The following USP34 variants were observed in gnomAD, a reference collection of about 807,000 sequenced individuals.
USP34 encodes the protein ubiquitin specific peptidase 34.
A neutral mutation model predicts 460.3 loss-of-function variants in USP34; 70 were observed. The observed-to-expected ratio is 0.15, with a 90% confidence interval of 0.13 to 0.19. The LOEUF is 0.19. Ranked by LOEUF, USP34 falls within the 10% of genes least tolerant of loss-of-function variation. USP34 has a pLI of 1.00. For synonymous variants in USP34, 1,647 were observed against 1,405.3 expected (o/e 1.17, Z -3.85); for missense variants, 3,985 against 4,236.2 (o/e 0.94, Z 1.65).
chr2:61,259,672 C>T, intron 44 of USP34, 39 bp downstream of exon 44: 1 of 1,591,724 alleles, frequency 6.3e-7, no homozygotes, highest in Non-Finnish European at 8.6e-7. Context: ...AGGCATGAGC[C>T]ACAGTGCCTG....
intron 41 of USP34, among the ~76,000 whole-genome samples, chr2:61,267,542 G>C (rs576568981): frequency 6.6e-6 from 1 of 151,170 alleles, no homozygotes; most frequent in African/African-American, 2.4e-5. Context: ...GCCCAGGTTC[G>C]AGCGATTCTC....
rs574537958 is a variant in USP34, at chr2:61,441,356, G to A, written c.44-20523C>T. Among the ~76,000 whole-genome samples the A allele has an allele frequency of 1.5e-4, 23 of 152,092 alleles. No individual in the cohort carries two copies. The South Asian group carries it at 4.8e-3, about 32-fold the overall frequency. On this transcript the variant is annotated intron_variant, in intron 1 of 79. Transcript: ENST00000398571. ...GCAGGTTAAACCTCTTATACTTTCT[G>A]CGCCCCACCTCCCAGCCCCTGTAAT...
At chr2:61,294,390 C>T (rs1356624569) in intron 32 of USP34, among the ~76,000 whole-genome samples, 2 of 151,954 alleles carry the variant, frequency 1.3e-5, no homozygotes, top group Non-Finnish European at 2.9e-5. Context: ...AGCCTATAAA[C>T]ATCTTTCTAT....
intron 53 of USP34, among the ~76,000 whole-genome samples, chr2:61,237,600 C>G (rs1688107087): frequency 8.6e-6 from 1 of 115,808 alleles, no homozygotes; most frequent in African/African-American, 3.3e-5. Flanking sequence ...CAGGGTCTCA[C>G]TCTGTTACCT....
chr2:61,372,457 T>A (rs1192507080), intron 8 of USP34, among the ~76,000 whole-genome samples: 1 of 152,164 alleles, frequency 6.6e-6, no homozygotes, highest in African/African-American at 2.4e-5. Context: ...AGGCTGGTGC[T>A]GTGGTTCACA....
intron 43 of USP34, among the ~76,000 whole-genome samples, chr2:61,262,001 G>A (rs1375339762): frequency 6.8e-6 from 1 of 146,648 alleles, no homozygotes; most frequent in Non-Finnish European, 1.5e-5. Flanking sequence ...TGAGGCAGGA[G>A]AACTGCCGGA....
chr2:61,412,776 C>G (rs1486358803), intron 2 of USP34, among the ~76,000 whole-genome samples: 1 of 150,776 alleles, frequency 6.6e-6, no homozygotes, highest in East Asian at 2.0e-4. Flanking sequence ...GTGGTCCCAG[C>G]TACTTGGGAG....
intron 1 of USP34, among the ~76,000 whole-genome samples, chr2:61,458,703 G>C (rs554518392): frequency 4.2e-3 from 375 of 88,698 alleles, no homozygotes; most frequent in Admixed American, 6.5e-3. Flanking sequence ...CACAAGTCAA[G>C]GTAGGCCATA....
At chr2:61,230,901 T>C (rs1687876303) in intron 58 of USP34, among the ~76,000 whole-genome samples, 2 of 148,504 alleles carry the variant, frequency 1.3e-5, no homozygotes, top group Non-Finnish European at 3.0e-5. Context: ...TCTAAAAACA[T>C]ACACAAAGAA....
At chr2:61,390,705 A>G (rs1693318038) in intron 5 of USP34, among the ~76,000 whole-genome samples, 1 of 152,158 alleles carries the variant, frequency 6.6e-6, no homozygotes, top group South Asian at 2.1e-4. Flanking sequence ...TTAATCTGAT[A>G]AGGTAAGAAT....
intron 29 of USP34, among the ~76,000 whole-genome samples, chr2:61,298,064 T>A (rs1192697098): frequency 5.9e-5 from 9 of 152,078 alleles, no homozygotes; most frequent in Admixed American, 2.6e-4. Flanking sequence ...AGGAAAAATA[T>A]CTTCAAAGTG....
chr2:61,275,616 CCT>C (rs1491519110), intron 41 of USP34, among the ~76,000 whole-genome samples: 31 of 128,256 alleles, frequency 2.4e-4, no homozygotes, highest in South Asian at 7.6e-4. Flanking sequence ...AGACCCTGTC[CCT>C]TTTTTTTTTT....
At chr2:61,230,216 A>T (rs1022485405) in intron 58 of USP34, among the ~76,000 whole-genome samples, 1 of 152,176 alleles carries the variant, frequency 6.6e-6, no homozygotes, top group Non-Finnish European at 1.5e-5. Context: ...AGAATGTCAA[A>T]CACTGCAGTC....
At chr2:61,250,895 T>G (rs973415009) in intron 48 of USP34, among the ~76,000 whole-genome samples, 1 of 152,172 alleles carries the variant, frequency 6.6e-6, no homozygotes. Flanking sequence ...TCCCAGCACT[T>G]TGGGAGGCTG....
At chr2:61,217,448 A>T (rs1433505760) in intron 67 of USP34, among the ~76,000 whole-genome samples, 1 of 152,240 alleles carries the variant, frequency 6.6e-6, no homozygotes, top group East Asian at 1.9e-4. Flanking sequence ...ATTCTAAGTT[A>T]TACTAATTCT....
chr2:61,242,502 C>T (rs1442932443), intron 51 of USP34, among the ~76,000 whole-genome samples: 4 of 142,768 alleles, frequency 2.8e-5, no homozygotes, highest in African/African-American at 5.2e-5. Context: ...CACACACACA[C>T]GATGCAAAGG....
intron 1 of USP34, among the ~76,000 whole-genome samples, chr2:61,426,493 G>A (rs760058023): frequency 6.6e-6 from 1 of 152,070 alleles, no homozygotes; most frequent in Non-Finnish European, 1.5e-5. Context: ...CGGTGGCTAC[G>A]AGGTGAGGTG....
intron 8 of USP34, among the ~76,000 whole-genome samples, chr2:61,375,788 A>AAAAAAAAAAAAAAAAAAC (rs1380152670): frequency 6.7e-6 from 1 of 148,728 alleles, no homozygotes; most frequent in Non-Finnish European, 1.5e-5. Context: ...AAAAAAAAAA[A>AAAAAAAAAAAAAAAAAAC]AAAAAAGTAG....
chr2:61,225,805 G>A (rs1558475991), intron 62 of USP34, among the ~76,000 whole-genome samples: 2 of 152,224 alleles, frequency 1.3e-5, no homozygotes, highest in East Asian at 3.9e-4. Context: ...AGTATATATT[G>A]TTGATTCATT....
Sources: allele counts gnomAD v4.1 joint callset (sites outside exome capture counted in the v4.1 genomes callset), GRCh38; gene constraint gnomAD v4.1.1; transcripts MANE v1.5; gene names NCBI Gene and HGNC (gene_info 2026-07-23, HGNC 2026-07-21).